SERINC5: variants seen among roughly 807,000 people sequenced by gnomAD.
The protein encoded by SERINC5 is serine incorporator 5.
In SERINC5, 41 loss-of-function variants were observed where a neutral mutation model predicts 63.1. The ratio of observed to expected loss-of-function variants is 0.65; its 90% CI spans 0.51 to 0.84. The LOEUF (loss-of-function observed/expected upper bound fraction) is 0.84. Ranked by LOEUF, SERINC5 falls within the 40% of genes least tolerant of loss-of-function variation. SERINC5 has a pLI of 0.00. For synonymous variants in SERINC5, 222 were observed against 215.2 expected, an observed-to-expected ratio of 1.03 and a Z score of -0.28; for missense variants, 523 against 573.0, an observed-to-expected ratio of 0.91 and a Z score of 0.89.
intron 2 of SERINC5, among the ~76,000 whole-genome samples, chr5:80,194,154 C>T (rs1749359938): frequency 6.6e-6 from 1 of 152,234 alleles, no homozygotes; most frequent in Non-Finnish European, 1.5e-5. Flanking sequence ...CACTCCATCT[C>T]AGCTGGATTT....
At chr5:80,156,706 A>G (rs975873064) in intron 8 of SERINC5, among the ~76,000 whole-genome samples, 1 of 152,138 alleles carries the variant, frequency 6.6e-6, no homozygotes, top group African/African-American at 2.4e-5. Context: ...GAAAATTGAC[A>G]TCTTTTGGGA....
At chr5:80,178,632 C>T (rs1324911083) in intron 2 of SERINC5, among the ~76,000 whole-genome samples, 1 of 141,124 alleles carries the variant, frequency 7.1e-6, no homozygotes, top group Non-Finnish European at 1.5e-5. Flanking sequence ...CACCTGTCTT[C>T]GCATCCCAAA....
At position 80,222,358 on chromosome 5, in the gene SERINC5, C is replaced by G. The variant is rs149936094; in HGVS notation, c.28-19305G>C. 4.8e-3 allele frequency among the ~76,000 whole-genome samples: 737 copies of G among 152,206 alleles called. 6 individuals carry two copies. The highest frequency in any genetic ancestry group is 8.7e-3 in the Admixed American group (133 of 15,274). On this transcript the variant is annotated intron_variant, in intron 1 of 11. Transcript: ENST00000507668. ...GTGGCGGGACAAAGCTTTGCTGAAT[C>G]ATTATCTCCTGTTATTACCTCACAT...
intron 8 of SERINC5, among the ~76,000 whole-genome samples, chr5:80,156,229 T>C (rs1746509159): frequency 6.6e-6 from 1 of 152,180 alleles, no homozygotes; most frequent in Non-Finnish European, 1.5e-5. Context: ...CAAATGACAG[T>C]TCCCACACGG....
intron 1 of SERINC5, among the ~76,000 whole-genome samples, chr5:80,254,621 C>G (rs142079941): frequency 6.6e-6 from 1 of 152,142 alleles, no homozygotes; most frequent in Non-Finnish European, 1.5e-5. Context: ...ATTTGCAGAG[C>G]TTTCTGAAAA....
At position 80,241,426 on chromosome 5, in the gene SERINC5, G is replaced by A. The variant is rs146497106; in HGVS notation, c.27+14470C>T. 6.4e-3 allele frequency among the ~76,000 whole-genome samples: 969 copies of A among 152,082 alleles called. 4 individuals are homozygous for A. The highest frequency in any genetic ancestry group is 0.027 in the Middle Eastern group (8 of 292). ...GGAGGTTGCAGTGAGCCAAAATCGCGCCACTGCACTTCAACCTGGTGACAG... is the reference window on the plus strand; with the variant it reads ...GGAGGTTGCAGTGAGCCAAAATCGCACCACTGCACTTCAACCTGGTGACAG... On this transcript the variant is annotated intron_variant, in intron 1 of 11. Transcript: ENST00000507668.
intron 1 of SERINC5, among the ~76,000 whole-genome samples, chr5:80,246,263 G>C (rs112584667): frequency 0.012 from 1,819 of 152,154 alleles, 33 homozygotes; most frequent in African/African-American, 0.04. Context: ...AAATTGCTGA[G>C]ACATAATGTG....
At chr5:80,250,123 GAA>G (rs548499840) in intron 1 of SERINC5, among the ~76,000 whole-genome samples, 12 of 152,196 alleles carry the variant, frequency 7.9e-5, no homozygotes, top group South Asian at 2.1e-4. Context: ...CTGCTTATAA[GAA>G]GAGAGGAAAC....
rs1745441026 is a variant in SERINC5, at chr5:80,140,437, G to C, written c.*3226C>G. 1.0e-6 allele frequency: 1 copy of C among 984,422 alleles called. No homozygotes were observed. The highest frequency in any genetic ancestry group is 6.2e-5 in the Admixed American group (1 of 16,142). The allele number at this position is 984,422 out of a possible 1,614,324, so 61.0% of individuals were successfully genotyped here. A position where few individuals can be genotyped will look rare whatever the true frequency, so the allele number is the denominator to read the frequency against. ...GAATCGGAAATAAACAATGTTGTAT[G>C]GAAACAGAACCCCAAAACCCCAATA... On this transcript the variant is annotated 3_prime_UTR_variant, in exon 12 of 12. Transcript: ENST00000507668.
chr5:80,195,887 G>A (rs921466777), intron 2 of SERINC5, among the ~76,000 whole-genome samples: 1 of 152,164 alleles, frequency 6.6e-6, no homozygotes, highest in Non-Finnish European at 1.5e-5. Flanking sequence ...GGTATCATCT[G>A]GGAGAAATGT....
intron 2 of SERINC5, among the ~76,000 whole-genome samples, chr5:80,191,549 G>A (rs1295079946): frequency 5.4e-5 from 8 of 149,186 alleles, no homozygotes; most frequent in South Asian, 2.1e-4. Flanking sequence ...CTATGGTCCC[G>A]GTTACTCAGC....
chr5:80,127,420 A>T (rs970056204), intron 11 of SERINC5, among the ~76,000 whole-genome samples: 1 of 152,202 alleles, frequency 6.6e-6, no homozygotes, highest in Non-Finnish European at 1.5e-5. Context: ...TGGAAAACTT[A>T]GAGCAAAGCT....
chr5:80,159,337 CCAA>C (rs1053550482), intron 7 of SERINC5, among the ~76,000 whole-genome samples: 5 of 152,054 alleles, frequency 3.3e-5, no homozygotes, highest in Admixed American at 2.6e-4. Flanking sequence ...GAATCAACAG[CCAA>C]CAATAGCTCC....
chr5:80,237,977 G>A (rs759767022), intron 1 of SERINC5, among the ~76,000 whole-genome samples: 14 of 151,204 alleles, frequency 9.3e-5, no homozygotes, highest in South Asian at 2.1e-4. Flanking sequence ...GGTGGCGCGC[G>A]CCTGTAGTCC....
At chr5:80,201,635 C>G (rs116631996) in intron 2 of SERINC5, among the ~76,000 whole-genome samples, 1,557 of 152,302 alleles carry the variant, frequency 0.01, 25 homozygotes, top group African/African-American at 0.036. Context: ...TTCTTGGGCT[C>G]TCTCAAAATC....
At chr5:80,244,311 GTT>G (rs1752073648) in intron 1 of SERINC5, among the ~76,000 whole-genome samples, 1 of 151,750 alleles carries the variant, frequency 6.6e-6, no homozygotes, top group Admixed American at 6.6e-5. Context: ...TGCCTCTCAG[GTT>G]TAAGCGATTC....
intron 11 of SERINC5, among the ~76,000 whole-genome samples, chr5:80,118,072 G>A (rs2913543): frequency 0.19 from 29,202 of 151,884 alleles, 3,304 homozygotes; most frequent in Non-Finnish European, 0.23. Context: ...GCGTGGTGGC[G>A]GGCTCCTGTA....
intron 1 of SERINC5, among the ~76,000 whole-genome samples, chr5:80,230,459 A>AAAAAAAAAAAAAAAAAAAG (rs70982042): frequency 6.2e-5 from 8 of 128,620 alleles, no homozygotes; most frequent in Admixed American, 8.3e-5. Flanking sequence ...AAAAAAAAAA[A>AAAAAAAAAAAAAAAAAAAG]AAAGAAACCA....
chr5:80,215,886 C>A (rs974783686), intron 1 of SERINC5, among the ~76,000 whole-genome samples: 11 of 152,124 alleles, frequency 7.2e-5, no homozygotes, highest in African/African-American at 2.2e-4. Flanking sequence ...AAAGATGTTC[C>A]CCTTTTTTGG....
Sources: allele counts gnomAD v4.1 joint callset (sites outside exome capture counted in the v4.1 genomes callset), GRCh38; gene constraint gnomAD v4.1.1; transcripts MANE v1.5; gene names NCBI Gene and HGNC (gene_info 2026-07-23, HGNC 2026-07-21).